The following SARNP variants were observed in gnomAD, a reference collection of about 807,000 sequenced individuals.
The protein encoded by SARNP is SAP domain containing ribonucleoprotein.
In SARNP, 5 loss-of-function variants were observed where a neutral mutation model predicts 38.1. That is an observed-to-expected ratio of 0.13 (90% confidence interval 0.07 to 0.28). The LOEUF is 0.28. Among genes scored for constraint, SARNP ranks in the 10% least tolerant of loss-of-function variants. SARNP has a pLI of 1.00. For missense variants in SARNP, 180 were observed against 243.9 expected (o/e 0.74, Z 1.75); for synonymous variants, 84 against 80.6 (o/e 1.04, Z -0.23).
At chr12:55,777,534 G>A (rs545219566) in intron 9 of SARNP, among the ~76,000 whole-genome samples, 4 of 151,712 alleles carry the variant, frequency 2.6e-5, no homozygotes, top group African/African-American at 7.3e-5. Context: ...GCCACCATGC[G>A]CTGCTAATTT....
intron 1 of SARNP, among the ~76,000 whole-genome samples, chr12:55,807,284 A>G (rs995971470): frequency 6.6e-6 from 1 of 152,202 alleles, no homozygotes; most frequent in Non-Finnish European, 1.5e-5. Context: ...TTATCTCACT[A>G]CTAACCAGGA....
At chr12:55,811,637 C>T (rs1357210661) in intron 1 of SARNP, among the ~76,000 whole-genome samples, 1 of 152,168 alleles carries the variant, frequency 6.6e-6, no homozygotes, top group Non-Finnish European at 1.5e-5. Context: ...GACCAATATG[C>T]CAGCTCAAGT....
At chr12:55,779,162 A>C (rs1052090119) in intron 9 of SARNP, among the ~76,000 whole-genome samples, 8 of 152,224 alleles carry the variant, frequency 5.3e-5, no homozygotes, top group Non-Finnish European at 1.0e-4. Context: ...CCATAGAGTT[A>C]TCTTCTTTCC....
chr12:55,760,370 A>G lies in SARNP; in HGVS notation c.591+181T>C, dbSNP rs537651553. 12 of 548,360 alleles carry G rather than the reference A, an allele frequency of 2.2e-5. No individual in the cohort carries two copies. In the African/African-American group the frequency reaches 2.3e-4, roughly 10 times the overall value. The allele number at this position is 548,360 out of a possible 1,614,324, so 34.0% of individuals were successfully genotyped here. ...AATAAATAATTAAGAAGTAGGTGGG[A>G]AAACAGTGTTTCTCTACTCAGTTTA... On this transcript the variant is annotated intron_variant, in intron 10 of 10. Coordinates refer to ENST00000336133, the MANE Select transcript of SARNP (RefSeq NM_033082.4).
intron 1 of SARNP, among the ~76,000 whole-genome samples, chr12:55,815,611 T>C (rs1880458621): frequency 6.6e-6 from 1 of 152,072 alleles, no homozygotes; most frequent in Non-Finnish European, 1.5e-5. Flanking sequence ...CTACAGGCAC[T>C]TGCCACCACA....
intron 1 of SARNP, among the ~76,000 whole-genome samples, chr12:55,811,372 A>T (rs1422583495): frequency 6.6e-6 from 1 of 152,164 alleles, no homozygotes; most frequent in Non-Finnish European, 1.5e-5. Flanking sequence ...GCCCTGGGCA[A>T]CACGGGTAGA....
intron 4 of SARNP, among the ~76,000 whole-genome samples, chr12:55,800,147 C>T (rs980570307): frequency 2.0e-5 from 3 of 151,692 alleles, no homozygotes; most frequent in Non-Finnish European, 4.4e-5. Context: ...GCCAAGATCA[C>T]GCCACTGCAC....
Position 55,761,175 on chromosome 12 carries a change from CA to C in SARNP, c.502-536del, listed in dbSNP as rs967678002. Among the ~76,000 whole-genome samples, 552 of 139,970 alleles carry C rather than the reference CA, an allele frequency of 3.9e-3. 5 individuals carry two copies. The highest frequency in any genetic ancestry group is 0.013 in the African/African-American group (484 of 37,536). The allele number at this position is 139,970 out of a possible 152,430, so 91.8% of individuals were successfully genotyped here. On this transcript the variant is annotated intron_variant, in intron 9 of 10. Coordinates refer to ENST00000336133, the MANE Select transcript of SARNP (RefSeq NM_033082.4). Reference sequence around the variant, plus strand: ...TGGGTGACAGAGTGAGACTCTGTCTCAAAAAAAAAAATAATAAATAAAATAA... The same window carrying C: ...TGGGTGACAGAGTGAGACTCTGTCTCAAAAAAAAAATAATAAATAAAATAA...
At position 55,773,849 on chromosome 12, in the gene SARNP, A is replaced by T. The variant is rs142145717; in HGVS notation, c.502-13209T>A. On this transcript the variant is annotated intron_variant, in intron 9 of 10. Transcript: ENST00000336133. ...GCCTCAGCCTCCTGAGTAGCTGGGA[A>T]TACAGGTGCCCACCACACCAGCTAA... is the stretch of plus-strand genomic sequence containing the variant. Among the ~76,000 whole-genome samples, 483 of 151,722 alleles carry T rather than the reference A, an allele frequency of 3.2e-3. 2 individuals are homozygous for T. Among genetic ancestry groups the T allele is most frequent in the African/African-American group, 0.011 (446 of 41,338 alleles).
chr12:55,814,400 CAATAT>C (rs962333116), intron 1 of SARNP, among the ~76,000 whole-genome samples: 3 of 152,124 alleles, frequency 2.0e-5, no homozygotes, highest in African/African-American at 7.2e-5. Flanking sequence ...CTTCAACTAC[CAATAT>C]ATTTCCTCAC....
intron 9 of SARNP, among the ~76,000 whole-genome samples, chr12:55,763,560 G>A (rs926372688): frequency 2.0e-5 from 3 of 152,096 alleles, no homozygotes; most frequent in Non-Finnish European, 4.4e-5. Flanking sequence ...CGCCCACTTC[G>A]CCTTCCAAAG....
intron 2 of SARNP, among the ~76,000 whole-genome samples, chr12:55,801,764 C>T (rs1879986060): frequency 1.3e-5 from 2 of 152,148 alleles, no homozygotes; most frequent in South Asian, 4.2e-4. Context: ...ACTACAGGTG[C>T]ACATCACCAC....
chr12:55,791,567 C>T (rs1471226120), intron 7 of SARNP, among the ~76,000 whole-genome samples: 1 of 152,140 alleles, frequency 6.6e-6, no homozygotes, highest in African/African-American at 2.4e-5. Context: ...TGGTGGCGTA[C>T]ACCTGTAGTC....
chr12:55,757,494 AG>A lies in SARNP; in HGVS notation c.*17del, dbSNP rs756237045. ...AAATGGAAAACACTGGAGAACAGAA[AG>A]TATCAGGAACTTTTCATCAGGCAAT... On this transcript the variant is annotated 3_prime_UTR_variant, in exon 11 of 11. Transcript: ENST00000336133. The A allele has an allele frequency of 6.2e-7, 1 of 1,601,250 alleles. No individual in the cohort carries two copies. The highest frequency in any genetic ancestry group is 2.2e-5 in the East Asian group (1 of 44,734).
intron 8 of SARNP, 31 bp from the exon 9 acceptor site, chr12:55,789,174 T>A: frequency 6.7e-7 from 1 of 1,494,702 alleles, no homozygotes. Context: ...GAACATAGTT[T>A]TAAAAAATCA....
intron 9 of SARNP, among the ~76,000 whole-genome samples, chr12:55,788,261 T>C (rs1041962807): frequency 2.0e-5 from 3 of 152,078 alleles, no homozygotes; most frequent in Non-Finnish European, 4.4e-5. Flanking sequence ...TAGCATGAAG[T>C]AAACAAAGTC....
At chr12:55,800,737 C>G in intron 3 of SARNP, 108 bp from the exon 4 acceptor site, 1 of 1,254,718 alleles carries the variant, frequency 8.0e-7, no homozygotes, top group Admixed American at 1.7e-5. Context: ...AACCTTCATA[C>G]CCATCTTATG....
chr12:55,798,730 T>C (rs1188243097), intron 4 of SARNP, among the ~76,000 whole-genome samples: 1 of 152,182 alleles, frequency 6.6e-6, no homozygotes. Flanking sequence ...TGCAATACTA[T>C]TAAATGCTAG....
intron 9 of SARNP, among the ~76,000 whole-genome samples, chr12:55,761,067 C>T (rs11171671): frequency 1.3e-5 from 2 of 151,762 alleles, no homozygotes; most frequent in South Asian, 2.1e-4. Flanking sequence ...ATCCCAGCTA[C>T]TAGGGAGGCT....
Sources: gnomAD v4.1 joint callset for allele counts (sites outside exome capture counted in the v4.1 genomes callset) on GRCh38, gnomAD v4.1.1 for gene constraint, MANE v1.5 for transcripts, NCBI Gene and HGNC (gene_info 2026-07-23, HGNC 2026-07-21) for gene names.